PRDM16: variants seen among roughly 807,000 people sequenced by gnomAD.
PRDM16 encodes the protein PR/SET domain 16.
A neutral mutation model predicts 110.6 loss-of-function variants in PRDM16; 23 were observed. The observed-to-expected ratio is 0.21, with a 90% CI of 0.15 to 0.29. The LOEUF (loss-of-function observed/expected upper bound fraction) is 0.29. Among genes scored for constraint, PRDM16 ranks in the 10% least tolerant of loss-of-function variants. The probability of loss-of-function intolerance (pLI) is 1.00; values close to 1 mark genes in which losing one functional copy is unlikely to be tolerated. For synonymous variants in PRDM16, 799 were observed against 781.8 expected (o/e 1.02, Z -0.37); for missense variants, 1,615 against 1,794.3 (o/e 0.90, Z 1.81).
intron 3 of PRDM16, among the ~76,000 whole-genome samples, chr1:3,273,679 GTGTGTGCA>G (rs1640513449): frequency 6.6e-6 from 1 of 152,058 alleles, no homozygotes; most frequent in Admixed American, 6.6e-5. Flanking sequence ...ATTCCTGTGT[GTGTGTGCA>G]TGTGGCAGGT....
At chr1:3,166,330 T>A (rs1643955863) in intron 1 of PRDM16, among the ~76,000 whole-genome samples, 1 of 152,252 alleles carries the variant, frequency 6.6e-6, no homozygotes, top group Admixed American at 6.5e-5. Flanking sequence ...GAGGGGTCCC[T>A]GCCAGGTGCC....
intron 2 of PRDM16, among the ~76,000 whole-genome samples, chr1:3,197,323 C>T (rs1638505163): frequency 6.6e-6 from 1 of 152,220 alleles, no homozygotes; most frequent in Admixed American, 6.5e-5. Flanking sequence ...GTGAGCAGGG[C>T]AGGCCCCTCC....
At chr1:3,423,155 C>T (rs958617082) in intron 12 of PRDM16, among the ~76,000 whole-genome samples, 14 of 152,166 alleles carry the variant, frequency 9.2e-5, no homozygotes, top group Non-Finnish European at 1.6e-4. Flanking sequence ...GGATATGCCT[C>T]GGCCAGGCGT....
At chr1:3,120,658 T>A (rs1643074743) in intron 1 of PRDM16, among the ~76,000 whole-genome samples, 1 of 152,106 alleles carries the variant, frequency 6.6e-6, no homozygotes, top group Non-Finnish European at 1.5e-5. Context: ...TGCCCTTGCG[T>A]CTCTGCGCTG....
At chr1:3,231,786 G>A (rs1252182409) in intron 2 of PRDM16, among the ~76,000 whole-genome samples, 1 of 152,220 alleles carries the variant, frequency 6.6e-6, no homozygotes, top group Non-Finnish European at 1.5e-5. Flanking sequence ...AGGTTACTTG[G>A]AAATCACGGG....
chr1:3,236,708 C>T (rs1041474467), intron 2 of PRDM16, among the ~76,000 whole-genome samples: 1 of 152,216 alleles, frequency 6.6e-6, no homozygotes, highest in South Asian at 2.1e-4. Context: ...TGGCAGGGCC[C>T]ATGTGAATCC....
At chr1:3,094,190 G>A (rs948199841) in intron 1 of PRDM16, among the ~76,000 whole-genome samples, 5 of 152,202 alleles carry the variant, frequency 3.3e-5, no homozygotes, top group African/African-American at 4.8e-5. Flanking sequence ...AACTCTCGCC[G>A]CCCAGGCCTG....
chr1:3,134,106 C>T (rs572478206), intron 1 of PRDM16, among the ~76,000 whole-genome samples: 3 of 152,156 alleles, frequency 2.0e-5, no homozygotes, highest in South Asian at 2.1e-4. Context: ...CCAGCTGTGT[C>T]GGGAGCAGGA....
chr1:3,321,840 G>A (rs567195246), intron 3 of PRDM16, among the ~76,000 whole-genome samples: 1 of 151,944 alleles, frequency 6.6e-6, no homozygotes, highest in Admixed American at 6.6e-5. Context: ...GTGCATTTGT[G>A]TGTGGGTCCG....
chr1:3,387,923 T>C (rs1466465116), intron 4 of PRDM16, among the ~76,000 whole-genome samples: 1 of 152,270 alleles, frequency 6.6e-6, no homozygotes, highest in Non-Finnish European at 1.5e-5. Flanking sequence ...TAGATTTCAA[T>C]CTAGTGTTTA....
At chr1:3,230,249 G>C (rs535515439) in intron 2 of PRDM16, among the ~76,000 whole-genome samples, 1 of 152,296 alleles carries the variant, frequency 6.6e-6, no homozygotes, top group East Asian at 1.9e-4. Flanking sequence ...CCAGGCAAGG[G>C]TGCCAACTAG....
At chr1:3,277,729 GCGCGCACA>G (rs1640618160) in intron 3 of PRDM16, among the ~76,000 whole-genome samples, 1 of 150,436 alleles carries the variant, frequency 6.6e-6, no homozygotes, top group African/African-American at 2.5e-5. Flanking sequence ...ACACACACAC[GCGCGCACA>G]CACGCACACG....
intron 3 of PRDM16, among the ~76,000 whole-genome samples, chr1:3,355,600 C>G (rs188294437): frequency 5.3e-5 from 8 of 152,298 alleles, no homozygotes; most frequent in Non-Finnish European, 1.2e-4. Flanking sequence ...AGGGCAGCAT[C>G]CGCTCGACGG....
chr1:3,317,819 C>T (rs1288431825), intron 3 of PRDM16, among the ~76,000 whole-genome samples: 3 of 152,204 alleles, frequency 2.0e-5, no homozygotes, highest in African/African-American at 7.2e-5. Context: ...AGAAAAGTTT[C>T]CAAAGGCAAA....
At chr1:3,107,948 G>A (rs1315350244) in intron 1 of PRDM16, among the ~76,000 whole-genome samples, 1 of 152,250 alleles carries the variant, frequency 6.6e-6, no homozygotes, top group Non-Finnish European at 1.5e-5. Flanking sequence ...GGGGAGGGGG[G>A]CTGAATTGTC....
chr1:3,192,655 G>A (rs978813950), intron 2 of PRDM16, among the ~76,000 whole-genome samples: 1 of 152,152 alleles, frequency 6.6e-6, no homozygotes, highest in African/African-American at 2.4e-5. Context: ...TTGGCCACAG[G>A]TCTGAGCCCA....
At chr1:3,376,293 C>T (rs1419215491) in intron 3 of PRDM16, among the ~76,000 whole-genome samples, 1 of 152,202 alleles carries the variant, frequency 6.6e-6, no homozygotes, top group Admixed American at 6.5e-5. Flanking sequence ...AATTTGGTGA[C>T]TCTTTTTCTA....
At chr1:3,152,028 C>T (rs893898536) in intron 1 of PRDM16, among the ~76,000 whole-genome samples, 2 of 152,170 alleles carry the variant, frequency 1.3e-5, no homozygotes, top group Non-Finnish European at 2.9e-5. Context: ...GGTCACCACT[C>T]GGCCCCGTGG....
intron 3 of PRDM16, chr1:3,307,239 G>A (rs920487146): frequency 8.5e-5 from 13 of 152,286 alleles, no homozygotes; most frequent in African/African-American, 2.9e-4. Context: ...TTTCCATTTC[G>A]AGGAACTGCT....
Sources: allele counts gnomAD v4.1 joint callset (sites outside exome capture counted in the v4.1 genomes callset), GRCh38; gene constraint gnomAD v4.1.1; transcripts MANE v1.5; gene names NCBI Gene and HGNC (gene_info 2026-07-23, HGNC 2026-07-21).